Variants in SRGAP2B observed in about 807,000 individuals in gnomAD.
SRGAP2B encodes SLIT-ROBO Rho GTPase activating protein 2B, also known as SLIT-ROBO Rho GTPase-activating protein 2B.
Under a neutral mutation model 22.2 loss-of-function variants are expected in SRGAP2B, and 9 were observed. That is an observed-to-expected ratio of 0.41 (90% confidence interval 0.24 to 0.71). The LOEUF is 0.71. SRGAP2B is among the 30% of genes least tolerant of loss of function. The pLI is 0.35. For missense variants in SRGAP2B, 114 were observed against 235.8 expected, an observed-to-expected ratio of 0.48 and a Z score of 3.38; for synonymous variants, 36 against 87.4, an observed-to-expected ratio of 0.41 and a Z score of 3.28.
chr1:144,939,506 C>CT (rs1411010298), intron 4 of SRGAP2B, among the ~76,000 whole-genome samples: 1 of 143,566 alleles, frequency 7.0e-6, no homozygotes, highest in Non-Finnish European at 1.5e-5. Flanking sequence ...AGTCTATGGT[C>CT]TGTCTTTCAC....
intron 3 of SRGAP2B, among the ~76,000 whole-genome samples, chr1:144,958,368 T>C (rs1455021804): frequency 2.2e-4 from 33 of 150,852 alleles, no homozygotes; most frequent in African/African-American, 7.9e-4. Flanking sequence ...TAATAAGTTT[T>C]ATTGAGAACT....
intron 2 of SRGAP2B, among the ~76,000 whole-genome samples, chr1:145,040,799 T>G (rs1553627345): frequency 6.7e-6 from 1 of 148,394 alleles, no homozygotes; most frequent in African/African-American, 2.5e-5. Flanking sequence ...CTCCAGCTAC[T>G]CTGACCATCT....
At chr1:144,956,367 C>T (rs1366275655) in intron 3 of SRGAP2B, among the ~76,000 whole-genome samples, 1 of 139,336 alleles carries the variant, frequency 7.2e-6, no homozygotes, top group Admixed American at 7.3e-5. Context: ...ACAAACCATA[C>T]CTGAACATGT....
At position 145,068,807 on chromosome 1, in the gene SRGAP2B, C is replaced by T. The variant is rs587687653; in HGVS notation, c.67+24028G>A. Among the ~76,000 whole-genome samples, 8 of 144,618 alleles carry T rather than the reference C, an allele frequency of 5.5e-5. No individual in the cohort carries two copies. In the East Asian group the frequency reaches 1.6e-3, roughly 29 times the overall value. 94.9% of individuals were successfully genotyped at this position (144,618 alleles called of 152,430 possible). A position where few individuals can be genotyped will look rare whatever the true frequency, so the allele number is the denominator to read the frequency against. On this transcript the variant is annotated intron_variant, in intron 2 of 9. Coordinates refer to ENST00000612199, the Ensembl canonical transcript of SRGAP2B. ...AAAGCAGAGAAACCTTTTTTCTTTA[C>T]TTATGAGGCATAAATCAGCTATTTA...
intron 4 of SRGAP2B, among the ~76,000 whole-genome samples, chr1:144,951,063 G>A (rs1439774668): frequency 6.6e-6 from 1 of 150,744 alleles, no homozygotes; most frequent in African/African-American, 2.5e-5. Flanking sequence ...GGCCAAGCTG[G>A]TCTTGAACTC....
At chr1:144,952,435 A>G (rs1365518331) in intron 4 of SRGAP2B, among the ~76,000 whole-genome samples, 3 of 149,150 alleles carry the variant, frequency 2.0e-5, no homozygotes, top group East Asian at 3.9e-4. Context: ...TGTGGTATGA[A>G]GAATGTTTGT....
At chr1:145,081,199 G>A (rs1258055715) in intron 2 of SRGAP2B, among the ~76,000 whole-genome samples, 30 of 148,620 alleles carry the variant, frequency 2.0e-4, no homozygotes, top group African/African-American at 4.9e-4. Flanking sequence ...CTCACTGTGC[G>A]TCATCTGTAA....
In SRGAP2B at chr1:144,912,248, G is replaced by GAA. The variant is rs1422545913; in HGVS notation, c.486+2442_486+2443dup. 1.4e-3 allele frequency among the ~76,000 whole-genome samples: 199 copies of GAA among 146,978 alleles called. 6 individuals are homozygous for GAA. The highest frequency in any genetic ancestry group is 5.0e-3 in the African/African-American group (192 of 38,250). ...ATTACAGGCATGAGCCTGGCTCACT[G>GAA]AACTTTCTAATGGCCTACAGACTCT... On this transcript the variant is annotated intron_variant, in intron 5 of 9. Coordinates refer to ENST00000612199, the Ensembl canonical transcript of SRGAP2B.
At chr1:145,082,707 AC>A (rs1479743237) in intron 2 of SRGAP2B, among the ~76,000 whole-genome samples, 6 of 103,790 alleles carry the variant, frequency 5.8e-5, no homozygotes, top group Non-Finnish European at 1.1e-4. Context: ...GGAGAAACAC[AC>A]CCCCGTGGGG....
chr1:144,984,376 A>AAAC (rs1553615578), intron 3 of SRGAP2B, among the ~76,000 whole-genome samples: 1 of 149,102 alleles, frequency 6.7e-6, no homozygotes, highest in Non-Finnish European at 1.5e-5. Context: ...AAAAAAAAAA[A>AAAC]AACAAAAAAG....
At chr1:144,986,360 G>A (rs587655071) in intron 3 of SRGAP2B, among the ~76,000 whole-genome samples, 6 of 137,938 alleles carry the variant, frequency 4.3e-5, no homozygotes, top group South Asian at 2.4e-4. Flanking sequence ...CTACAGCTCC[G>A]GGGGAGGTGA....
At chr1:145,010,740 A>G (rs1368747674) in intron 2 of SRGAP2B, among the ~76,000 whole-genome samples, 1 of 150,642 alleles carries the variant, frequency 6.6e-6, no homozygotes, top group Non-Finnish European at 1.5e-5. Flanking sequence ...ACACTGGAAG[A>G]GAAAGTCCAT....
intron 2 of SRGAP2B, among the ~76,000 whole-genome samples, chr1:145,041,064 G>A (rs1181009373): frequency 4.1e-5 from 4 of 96,660 alleles, no homozygotes; most frequent in African/African-American, 2.0e-4. Context: ...TTTGTTGCAT[G>A]TATATATATA....
intron 4 of SRGAP2B, among the ~76,000 whole-genome samples, chr1:144,922,918 C>T (rs1372755347): frequency 6.6e-6 from 1 of 151,274 alleles, no homozygotes; most frequent in East Asian, 1.9e-4. Flanking sequence ...ACAAGTAATG[C>T]TAGTGGCCCT....
Position 145,081,301 on chromosome 1 carries a change from A to C in SRGAP2B, c.67+11534T>G, listed in dbSNP as rs587598615. ...GCACCTAAAACAGAGCTGAGACATA[A>C]GAAGCACTTGATAAACGCTAACCAT... On this transcript the variant is annotated intron_variant, in intron 2 of 9. Transcript: ENST00000612199. Among the ~76,000 whole-genome samples the C allele has an allele frequency of 1.3e-4, 20 of 149,940 alleles. 1 individual carries two copies. Among genetic ancestry groups the C allele is most frequent in the African/African-American group, 4.5e-4 (18 of 39,870 alleles).
intron 4 of SRGAP2B, among the ~76,000 whole-genome samples, chr1:144,953,864 G>A (rs1251113080): frequency 4.0e-5 from 6 of 150,458 alleles, no homozygotes; most frequent in East Asian, 1.9e-4. Context: ...CAAAGAAAAC[G>A]GAGGAGGAAA....
At chr1:144,975,334 C>G in intron 3 of SRGAP2B, among the ~76,000 whole-genome samples, 1 of 148,764 alleles carries the variant, frequency 6.7e-6, no homozygotes, top group Non-Finnish European at 1.5e-5. Context: ...TTTGTTCCCT[C>G]CAAAACTCAT....
At chr1:144,970,538 CCTAATG>C (rs1668429980) in intron 3 of SRGAP2B, among the ~76,000 whole-genome samples, 2 of 112,964 alleles carry the variant, frequency 1.8e-5, no homozygotes, top group Non-Finnish European at 3.5e-5. Flanking sequence ...GGGAGATATA[CCTAATG>C]CTAGATGACG....
intron 4 of SRGAP2B, among the ~76,000 whole-genome samples, chr1:144,923,453 G>T (rs1553604537): frequency 6.7e-6 from 1 of 150,122 alleles, no homozygotes; most frequent in African/African-American, 2.5e-5. Flanking sequence ...AGTAGAAATG[G>T]TATCTAGGTG....
Sources: allele counts gnomAD v4.1 joint callset (sites outside exome capture counted in the v4.1 genomes callset), GRCh38; gene constraint gnomAD v4.1.1; transcripts MANE v1.5; gene names NCBI Gene and HGNC (gene_info 2026-07-23, HGNC 2026-07-21).